The following ELP2 variants were observed in gnomAD, a reference collection of about 807,000 sequenced individuals.
The protein encoded by ELP2 is elongator acetyltransferase complex subunit 2.
Under a neutral mutation model 119.2 loss-of-function variants are expected in ELP2, and 90 were observed. The ratio of observed to expected loss-of-function variants is 0.75; its 90% CI spans 0.64 to 0.90. The LOEUF is 0.90. Among genes scored for constraint, ELP2 ranks in the 40% least tolerant of loss-of-function variants. The pLI, the probability that ELP2 is intolerant of heterozygous loss-of-function variation, is 0.00. For missense variants in ELP2, 921 were observed against 967.8 expected (o/e 0.95, Z 0.64); for synonymous variants, 339 against 331.0 (o/e 1.02, Z -0.26).
At chr18:36,143,282 GCTAA>G (rs940593169) in intron 8 of ELP2, among the ~76,000 whole-genome samples, 2 of 151,956 alleles carry the variant, frequency 1.3e-5, no homozygotes, top group Non-Finnish European at 2.9e-5. Flanking sequence ...ACCACGCCTG[GCTAA>G]CTTTTTTGTA....
intron 5 of ELP2, 32 bp downstream of exon 5, chr18:36,138,904 G>A (rs751871798): frequency 2.7e-6 from 4 of 1,503,636 alleles, no homozygotes; most frequent in South Asian, 2.3e-5. Flanking sequence ...TGTTAAAAGG[G>A]CAGTATATTT....
Position 36,133,897 on chromosome 18 carries a change from G to GTTTT in ELP2, c.217+608_217+611dup, listed in dbSNP as rs57135329. On this transcript the variant is annotated intron_variant, in intron 2 of 21. Transcript: ENST00000358232. ...ACCACGCCTTTCTAGTTTTTTAGGG[G>GTTTT]TTTTTTTTTTTTTTTTTTTTTTTTT... Among the ~76,000 whole-genome samples the GTTTT allele has an allele frequency of 1.3e-3, 78 of 60,806 alleles. 2 individuals carry two copies. The highest frequency in any genetic ancestry group is 5.1e-3 in the African/African-American group (71 of 13,788). 39.9% of individuals were successfully genotyped at this position (60,806 alleles called of 152,430 possible).
chr18:36,138,917 A>T (rs1395778388), intron 5 of ELP2, 45 bp downstream of exon 5: 1 of 1,369,506 alleles, frequency 7.3e-7, no homozygotes, highest in Non-Finnish European at 1.0e-6. Flanking sequence ...GTATATTTGC[A>T]TACTGTCATA....
At chr18:36,154,625 A>T (rs1178462763) in intron 11 of ELP2, among the ~76,000 whole-genome samples, 1 of 152,178 alleles carries the variant, frequency 6.6e-6, no homozygotes, top group Non-Finnish European at 1.5e-5. Context: ...ATGGAGGGAA[A>T]TTTCCCACAG....
chr18:36,169,711 A>G (rs2091020219), intron 19 of ELP2, among the ~76,000 whole-genome samples: 1 of 152,136 alleles, frequency 6.6e-6, no homozygotes, highest in Non-Finnish European at 1.5e-5. Context: ...GTTCTTAAGC[A>G]TTTTGTGGTA....
In ELP2 at chr18:36,166,319, G is replaced by GTTTTTTTTTTT. The variant is rs60477950; in HGVS notation, c.1955-764_1955-754dup. On this transcript the variant is annotated intron_variant, in intron 18 of 21. Coordinates refer to ENST00000358232, the MANE Select transcript of ELP2 (RefSeq NM_018255.4). ...AGTTATGTGGTTTTTGTTTTTTAGG[G>GTTTTTTTTTTT]TTTTTTTTTTTTTTTTTTTTTTTTT... Among the ~76,000 whole-genome samples the GTTTTTTTTTTT allele has an allele frequency of 1.1e-3, 79 of 71,682 alleles. 11 individuals carry two copies. The highest frequency in any genetic ancestry group is 3.9e-3 in the African/African-American group (70 of 17,962). The allele number at this position is 71,682 out of a possible 152,430, so 47.0% of individuals were successfully genotyped here.
chr18:36,132,830 C>G (rs1451936015), intron 1 of ELP2, among the ~76,000 whole-genome samples: 1 of 138,360 alleles, frequency 7.2e-6, no homozygotes, highest in African/African-American at 2.7e-5. Context: ...TTTTTTTTTT[C>G]TTTTGGTCAG....
intron 13 of ELP2, among the ~76,000 whole-genome samples, chr18:36,157,751 A>G (rs1198384730): frequency 6.6e-6 from 1 of 152,182 alleles, no homozygotes; most frequent in African/African-American, 2.4e-5. Flanking sequence ...GATTATGTGA[A>G]GAGGATTTAA....
At chr18:36,151,109 G>A (rs1598781643) in intron 11 of ELP2, among the ~76,000 whole-genome samples, 1 of 143,648 alleles carries the variant, frequency 7.0e-6, no homozygotes, top group South Asian at 2.2e-4. Context: ...TTTTGAGACA[G>A]TGTCTCACTC....
At chr18:36,158,716 T>C in intron 13 of ELP2, 119 bp from the exon 14 acceptor site, 1 of 702,258 alleles carries the variant, frequency 1.4e-6, no homozygotes, top group Non-Finnish European at 2.5e-6. Context: ...TTAAACTGTT[T>C]CTCAGCATTT....
chr18:36,170,138 G>A lies in ELP2; in HGVS notation c.2152G>A (p.Asp718Asn), dbSNP rs769711945. ...CATTGGCCCCTGCTCCTCAGTCCTG[G>A]ACGTGGGTGGGGCTGTGACAGCTGT... Reference protein sequence around the residue: ...HNIGPCSSVLDVGGAVTAVSV... With the variant: ...HNIGPCSSVLNVGGAVTAVSV... Residue 718 changes from aspartate (D) to asparagine (N), a missense_variant, in exon 20 of 22, where the codon GAC becomes AAC. Asp to Asn is a conservative substitution (Grantham distance 23, BLOSUM62 1). Coordinates refer to ENST00000358232, the MANE Select transcript of ELP2 (RefSeq NM_018255.4). 1 of 1,614,064 alleles carries A rather than the reference G, an allele frequency of 6.2e-7. No individual in the cohort carries two copies. The highest frequency in any genetic ancestry group is 8.5e-7 in the Non-Finnish European group (1 of 1,179,998).
intron 11 of ELP2, among the ~76,000 whole-genome samples, chr18:36,154,026 A>G (rs1472360854): frequency 6.8e-6 from 1 of 146,598 alleles, no homozygotes. Flanking sequence ...CTTTAGAATC[A>G]GTTTTTGTTC....
chr18:36,152,207 A>C (rs942406595), intron 11 of ELP2, among the ~76,000 whole-genome samples: 108 of 151,962 alleles, frequency 7.1e-4, no homozygotes, highest in South Asian at 5.8e-3. Context: ...AAAAAAAAAA[A>C]AACAACAAAG....
intron 6 of ELP2, among the ~76,000 whole-genome samples, chr18:36,141,694 T>G (rs1336475094): frequency 6.8e-6 from 1 of 146,282 alleles, no homozygotes; most frequent in Non-Finnish European, 1.5e-5. Context: ...CTATTCAACT[T>G]TTTTTTTTTT....
chr18:36,174,850 AATTC>A lies in ELP2; in HGVS notation c.*210_*213del. On this transcript the variant is annotated 3_prime_UTR_variant, in exon 22 of 22. Transcript: ENST00000358232. The stretch of plus-strand genomic sequence containing the variant: ...TAGCTGGGACTAGAGGCACACCACC[AATTC>A]CGGCTAATTTTTGTATTTTTAGTAG... The A allele has an allele frequency of 1.9e-6, 1 of 532,072 alleles. No homozygotes were observed. The highest frequency in any genetic ancestry group is 2.2e-5 in the South Asian group (1 of 45,940). The allele number at this position is 532,072 out of a possible 1,614,324, so 33.0% of individuals were successfully genotyped here.
chr18:36,176,938 C>A lies in ELP2; in HGVS notation c.*2297C>A, dbSNP rs1223789645. The stretch of plus-strand genomic sequence containing the variant: ...GACATCACCAACAATGGGCCCTTTC[C>A]TGTCTGCCAGGAAAAGTTTTCTGTA... On this transcript the variant is annotated 3_prime_UTR_variant, in exon 22 of 22. Transcript: ENST00000358232. The A allele has an allele frequency of 6.6e-6, 1 of 152,048 alleles. No homozygotes were observed. Among genetic ancestry groups the A allele is most frequent in the Admixed American group, 6.6e-5 (1 of 15,266 alleles). The allele number at this position is 152,048 out of a possible 1,614,324, so 9.4% of individuals were successfully genotyped here.
chr18:36,158,934 C>T, intron 14 of ELP2, 30 bp downstream of exon 14: 2 of 1,483,774 alleles, frequency 1.3e-6, no homozygotes, highest in Non-Finnish European at 1.9e-6. Flanking sequence ...AATTATTAAA[C>T]CCATAGTGGT....
chr18:36,152,196 CAAA>C (rs34123067), intron 11 of ELP2, among the ~76,000 whole-genome samples: 2 of 144,462 alleles, frequency 1.4e-5, no homozygotes. Flanking sequence ...GACCCTATCT[CAAA>C]AAAAAAAAAA....
intron 8 of ELP2, among the ~76,000 whole-genome samples, chr18:36,143,544 C>T (rs190449953): frequency 5.3e-5 from 8 of 151,226 alleles, no homozygotes; most frequent in African/African-American, 1.2e-4. Flanking sequence ...GCTAGGACTA[C>T]GCCATCACAC....
Sources: gnomAD v4.1 joint callset for allele counts (sites outside exome capture counted in the v4.1 genomes callset) on GRCh38, gnomAD v4.1.1 for gene constraint, MANE v1.5 for transcripts, NCBI Gene and HGNC (gene_info 2026-07-23, HGNC 2026-07-21) for gene names.